JARID2: variants seen among roughly 807,000 people sequenced by gnomAD.
The protein encoded by JARID2 is jumonji and AT-rich interaction domain containing 2.
Under a neutral mutation model 125.6 loss-of-function variants are expected in JARID2, and 21 were observed. The ratio of observed to expected loss-of-function variants is 0.17; its 90% CI spans 0.12 to 0.24. The LOEUF (loss-of-function observed/expected upper bound fraction) is 0.24, where lower values mean the gene tolerates loss of function less well. JARID2 is among the 10% of genes least tolerant of loss of function. The pLI is 1.00. For missense variants in JARID2, 1,303 were observed against 1,639.6 expected (o/e 0.79, Z 3.55); for synonymous variants, 736 against 661.6 (o/e 1.11, Z -1.73).
intron 1 of JARID2, among the ~76,000 whole-genome samples, chr6:15,315,954 T>C (rs1762165560): frequency 6.6e-6 from 1 of 152,066 alleles, no homozygotes; most frequent in Non-Finnish European, 1.5e-5. Flanking sequence ...TTAAAGTGAC[T>C]GAGGGCATAA....
rs184164811 is a variant in JARID2, at chr6:15,412,505, T to G, written c.323+2140T>G. 1.4e-3 allele frequency among the ~76,000 whole-genome samples: 208 copies of G among 152,178 alleles called. 1 individual carries two copies. Among genetic ancestry groups the G allele is most frequent in the Middle Eastern group, 6.8e-3 (2 of 294 alleles). ...TGTATTTTTAGTAGAGATGGGGTTT[T>G]GCCATGTTGGCCAAGCTGGCCTTGA... On this transcript the variant is annotated intron_variant, in intron 3 of 17. Coordinates refer to ENST00000341776, the MANE Select transcript of JARID2 (RefSeq NM_004973.4).
chr6:15,307,257 A>G (rs376272290), intron 1 of JARID2, among the ~76,000 whole-genome samples: 2 of 151,410 alleles, frequency 1.3e-5, no homozygotes, highest in African/African-American at 2.4e-5. Context: ...AGAAGAAAAC[A>G]TTTTTTCCTG....
In JARID2 at chr6:15,496,434, C is replaced by T. The variant is rs763692151; in HGVS notation, c.1209C>T (p.Ala403=). The T allele has an allele frequency of 3.3e-5, 53 of 1,613,626 alleles. No individual in the cohort carries two copies. The highest frequency in any genetic ancestry group is 3.0e-4 in the Admixed American group (18 of 60,004). ...GGGCGTCCAAGTCCACTGGGCCCGC[C>T]GTCAATGGCCTCAAGGTCAGTGGCA... ...LGGASKSTGP[A]VNGLKVSGRL... The change falls in exon 7 of 18, where the codon GCC becomes GCT. Residue 403 remains alanine, a synonymous_variant. Transcript: ENST00000341776.
At chr6:15,487,976 G>A (rs935799324) in intron 6 of JARID2, among the ~76,000 whole-genome samples, 1 of 152,162 alleles carries the variant, frequency 6.6e-6, no homozygotes, top group Non-Finnish European at 1.5e-5. Context: ...TCACCACCTG[G>A]CCTTTGAAGC....
chr6:15,444,635 C>T (rs1429389310), intron 3 of JARID2, among the ~76,000 whole-genome samples: 1 of 150,204 alleles, frequency 6.7e-6, no homozygotes, highest in East Asian at 1.9e-4. Context: ...TTTGAATAGG[C>T]CTTTCAGCAA....
At chr6:15,412,558 C>A (rs115223073) in intron 3 of JARID2, among the ~76,000 whole-genome samples, 369 of 152,300 alleles carry the variant, frequency 2.4e-3, no homozygotes, top group African/African-American at 8.5e-3. Context: ...ACCCACCCAC[C>A]TCCGAAAGTG....
Position 15,416,693 on chromosome 6 carries a change from G to T in JARID2, c.323+6328G>T, listed in dbSNP as rs145913136. ...GGAGACCGTGGAAAGAGAGGGAGAG[G>T]GAGACCGTGGGGAGAGGGAGAGGGA... On this transcript the variant is annotated intron_variant, in intron 3 of 17. Transcript: ENST00000341776. 6.5e-3 allele frequency among the ~76,000 whole-genome samples: 961 copies of T among 147,604 alleles called. 11 individuals are homozygous for T. The highest frequency in any genetic ancestry group is 0.024 in the African/African-American group (933 of 38,722).
chr6:15,371,236 C>A (rs894929706), intron 1 of JARID2, among the ~76,000 whole-genome samples: 5 of 152,176 alleles, frequency 3.3e-5, no homozygotes, highest in African/African-American at 1.2e-4. Context: ...ATAATTCTCT[C>A]AACTGGAGCC....
rs192969144 is a variant in JARID2 at position 15,393,078 on chromosome 6, G to A, written c.182-17146G>A. ...CAGTGCAGCCATAGAGGCAGGATAC[G>A]CATGAAATGGTGGTGAAATTCTTCC... On this transcript the variant is annotated intron_variant, in intron 2 of 17. Coordinates refer to ENST00000341776, the MANE Select transcript of JARID2 (RefSeq NM_004973.4). Among the ~76,000 whole-genome samples, 18 of 152,294 alleles carry A rather than the reference G, an allele frequency of 1.2e-4. No individual in the cohort carries two copies. The East Asian group carries it at 1.5e-3, about 13-fold the overall frequency.
intron 6 of JARID2, among the ~76,000 whole-genome samples, chr6:15,495,504 A>C (rs533453234): frequency 7.2e-4 from 110 of 152,340 alleles, no homozygotes; most frequent in Middle Eastern, 3.4e-3. Context: ...GCAGCTGCTG[A>C]CAGTTTGCAG....
At chr6:15,510,953 G>T (rs1581666574) in intron 12 of JARID2, among the ~76,000 whole-genome samples, 1 of 152,230 alleles carries the variant, frequency 6.6e-6, no homozygotes, top group African/African-American at 2.4e-5. Context: ...GCTCGTGGAG[G>T]CCGCAGTGTG....
intron 1 of JARID2, among the ~76,000 whole-genome samples, chr6:15,288,096 G>A (rs1348318395): frequency 6.6e-6 from 1 of 152,108 alleles, no homozygotes; most frequent in Non-Finnish European, 1.5e-5. Flanking sequence ...GCACATTGGT[G>A]GTATGGTGGC....
At chr6:15,325,353 T>C (rs1009471507) in intron 1 of JARID2, among the ~76,000 whole-genome samples, 1 of 152,190 alleles carries the variant, frequency 6.6e-6, no homozygotes, top group East Asian at 1.9e-4. Context: ...TATCCTTTTT[T>C]TCCCCCTATT....
At position 15,332,626 on chromosome 6, in the gene JARID2, G is replaced by T. The variant is rs534335077; in HGVS notation, c.46-41491G>T. 9.2e-5 allele frequency among the ~76,000 whole-genome samples: 14 copies of T among 152,220 alleles called. No individual in the cohort carries two copies. In the South Asian group the frequency reaches 2.7e-3, roughly 29 times the overall value. On this transcript the variant is annotated intron_variant, in intron 1 of 17. Transcript: ENST00000341776. Reference sequence around the variant, plus strand: ...AGAAATTGGCTTGCAGCTGTGGTGGGCGCTACTTGTGTAAGTCCAGCTGTC... The same window carrying T: ...AGAAATTGGCTTGCAGCTGTGGTGGTCGCTACTTGTGTAAGTCCAGCTGTC...
chr6:15,437,333 C>T (rs1341821400), intron 3 of JARID2, among the ~76,000 whole-genome samples: 2 of 152,150 alleles, frequency 1.3e-5, no homozygotes, highest in African/African-American at 4.8e-5. Context: ...ACTGTGTCTC[C>T]TTCATTATCC....
chr6:15,451,040 G>A (rs1175511412), intron 3 of JARID2, among the ~76,000 whole-genome samples: 2 of 152,216 alleles, frequency 1.3e-5, no homozygotes, highest in Non-Finnish European at 2.9e-5. Context: ...GTGCACGCCT[G>A]TAATCCCAGC....
At chr6:15,428,051 T>C (rs1208191259) in intron 3 of JARID2, among the ~76,000 whole-genome samples, 1 of 152,126 alleles carries the variant, frequency 6.6e-6, no homozygotes, top group East Asian at 1.9e-4. Context: ...TCCTATTTTA[T>C]TGTAAGATGG....
In JARID2 at chr6:15,481,191, A is replaced by T. The variant is rs1045183531; in HGVS notation, c.671-6116A>T. Reference sequence around the variant, plus strand: ...ATTTTGCCTGCCGTGGTGTGAAAACACTTTTCTATAGGCCGTTTAACTTTC... The same window carrying T: ...ATTTTGCCTGCCGTGGTGTGAAAACTCTTTTCTATAGGCCGTTTAACTTTC... On this transcript the variant is annotated intron_variant, in intron 5 of 17. Coordinates refer to ENST00000341776, the MANE Select transcript of JARID2 (RefSeq NM_004973.4). Among the ~76,000 whole-genome samples, 4 of 152,246 alleles carry T rather than the reference A, an allele frequency of 2.6e-5. No homozygotes were observed. The East Asian group carries it at 7.7e-4, about 29-fold the overall frequency.
At chr6:15,327,826 A>G (rs1247028519) in intron 1 of JARID2, among the ~76,000 whole-genome samples, 6 of 152,154 alleles carry the variant, frequency 3.9e-5, no homozygotes, top group South Asian at 2.1e-4. Context: ...TTACTTTCAC[A>G]TTCTTGTCCT....
Sources: allele counts gnomAD v4.1 joint callset (sites outside exome capture counted in the v4.1 genomes callset), GRCh38; gene constraint gnomAD v4.1.1; transcripts MANE v1.5; gene names NCBI Gene and HGNC (gene_info 2026-07-23, HGNC 2026-07-21).